SLC13A5: variants seen among roughly 807,000 people sequenced by gnomAD.
The protein encoded by SLC13A5 is solute carrier family 13 member 5.
Under a neutral mutation model 56.5 loss-of-function variants are expected in SLC13A5, and 25 were observed. The ratio of observed to expected loss-of-function variants is 0.44; its 90% CI spans 0.32 to 0.62. The LOEUF (loss-of-function observed/expected upper bound fraction) is 0.62. Ranked by LOEUF, SLC13A5 falls within the 20% of genes least tolerant of loss-of-function variation. The pLI is 0.04. For synonymous variants in SLC13A5, 307 were observed against 301.5 expected, an observed-to-expected ratio of 1.02 and a Z score of -0.19; for missense variants, 649 against 737.8, an observed-to-expected ratio of 0.88 and a Z score of 1.39.
intron 1 of SLC13A5, among the ~76,000 whole-genome samples, chr17:6,707,520 A>C (rs1227051033): frequency 6.6e-6 from 1 of 152,196 alleles, no homozygotes; most frequent in Non-Finnish European, 1.5e-5. Context: ...GAGAAGGAGG[A>C]GGAGGGGATA....
chr17:6,702,709 A>C (rs554793614), intron 5 of SLC13A5, among the ~76,000 whole-genome samples: 5 of 152,318 alleles, frequency 3.3e-5, no homozygotes, highest in Non-Finnish European at 7.4e-5. Context: ...TGGGTCTTGC[A>C]TCATAGCAGA....
intron 8 of SLC13A5, chr17:6,693,614 C>T (rs1973476478): frequency 1.3e-5 from 2 of 159,222 alleles, no homozygotes; most frequent in Non-Finnish European, 2.8e-5. Flanking sequence ...TACAACCCCT[C>T]AACGCAATAT....
At chr17:6,702,932 C>G in intron 5 of SLC13A5, 38 bp downstream of exon 5, 2 of 1,604,660 alleles carry the variant, frequency 1.2e-6, no homozygotes, top group Non-Finnish European at 1.7e-6. Flanking sequence ...CCCCGGTACC[C>G]ACTTCGTTGT....
intron 7 of SLC13A5, chr17:6,695,259 G>A (rs977204721): frequency 3.7e-5 from 6 of 161,368 alleles, no homozygotes; most frequent in African/African-American, 1.4e-4. Flanking sequence ...AACCAACAGA[G>A]TGCTCTCTGA....
chr17:6,704,098 C>T (rs762472717), intron 3 of SLC13A5, 42 bp from the exon 4 acceptor site: 1 of 1,577,248 alleles, frequency 6.3e-7, no homozygotes. Context: ...GAATCCCCAC[C>T]CCACCCCCGT....
In SLC13A5 at chr17:6,685,112, C is replaced by T. The variant is rs1030387488; in HGVS notation, c.*1095G>A. 5.9e-5 allele frequency: 9 copies of T among 152,204 alleles called. No individual in the cohort carries two copies. Among genetic ancestry groups the T allele is most frequent in the South Asian group, 4.1e-4 (2 of 4,834 alleles). 9.4% of individuals were successfully genotyped at this position (152,204 alleles called of 1,614,324 possible). On this transcript the variant is annotated 3_prime_UTR_variant, in exon 12 of 12. Coordinates refer to ENST00000433363, the MANE Select transcript of SLC13A5 (RefSeq NM_177550.5). This position sits in a 1 kb window ranked among gnomAD's most constrained non-coding sequence, Gnocchi z 4.2. ...ATCACCAAGCGCTGCTCAATCTCAACGATCCTCTGTTGTCACCAGCCATGG... is the reference window on the plus strand; with the variant it reads ...ATCACCAAGCGCTGCTCAATCTCAATGATCCTCTGTTGTCACCAGCCATGG...
chr17:6,686,000 C>T lies in SLC13A5; in HGVS notation c.*207G>A. 1 of 691,950 alleles carries T rather than the reference C, an allele frequency of 1.4e-6. No homozygotes were observed. Among genetic ancestry groups the T allele is most frequent in the East Asian group, 2.7e-5 (1 of 37,236 alleles). 42.9% of individuals were successfully genotyped at this position (691,950 alleles called of 1,614,324 possible). A position where few individuals can be genotyped will look rare whatever the true frequency, so the allele number is the denominator to read the frequency against. ...CAGCAGCCCACTGAGGGGTTCCCTT[C>T]ATTTCTGAGCCTACCCTCCAGCTGC... On this transcript the variant is annotated 3_prime_UTR_variant, in exon 12 of 12. Transcript: ENST00000433363. The surrounding 1 kb of genome is among the most constrained non-coding windows in gnomAD (Gnocchi z 4.2).
intron 7 of SLC13A5, chr17:6,695,395 T>C: frequency 4.3e-6 from 1 of 230,500 alleles, no homozygotes. Context: ...GGTGTCTTTC[T>C]TTCTCTTTTT....
rs188338884 is a variant in SLC13A5 at position 6,701,831 on chromosome 17, C to G, written c.717-705G>C. Among the ~76,000 whole-genome samples the G allele has an allele frequency of 4.6e-5, 7 of 152,222 alleles. No homozygotes were observed. The South Asian group carries it at 1.2e-3, about 27-fold the overall frequency. On this transcript the variant is annotated intron_variant, in intron 5 of 11. Transcript: ENST00000433363. This position sits in a 1 kb window ranked among gnomAD's most constrained non-coding sequence, Gnocchi z 4.1. Reference sequence around the variant, plus strand: ...GGGTTTCTGCAAAGAACGGTCCCCCCACTTAGCAAAGGAAATCTCAAAAGC... The same window carrying G: ...GGGTTTCTGCAAAGAACGGTCCCCCGACTTAGCAAAGGAAATCTCAAAAGC...
rs912789287 is a variant in SLC13A5 at position 6,711,606 on chromosome 17, G to A, written c.102+1626C>T. Among the ~76,000 whole-genome samples, 2 of 150,588 alleles carry A rather than the reference G, an allele frequency of 1.3e-5. No homozygotes were observed. The highest frequency in any genetic ancestry group is 6.6e-5 in the Admixed American group (1 of 15,130). On this transcript the variant is annotated intron_variant, in intron 1 of 11. Coordinates refer to ENST00000433363, the MANE Select transcript of SLC13A5 (RefSeq NM_177550.5). This position sits in a 1 kb window ranked among gnomAD's most constrained non-coding sequence, Gnocchi z 4.0. The stretch of plus-strand genomic sequence containing the variant: ...TGTGTGTTTGGGTGTGTGTTTGTGC[G>A]TGTGTTTTTGTGTGTGTTTGTGTTT...
In SLC13A5 at chr17:6,685,063, C is replaced by G. The variant is rs755213571; in HGVS notation, c.*1144G>C. On this transcript the variant is annotated 3_prime_UTR_variant, in exon 12 of 12. Coordinates refer to ENST00000433363, the MANE Select transcript of SLC13A5 (RefSeq NM_177550.5). This position sits in a 1 kb window ranked among gnomAD's most constrained non-coding sequence, Gnocchi z 4.2. ...GAGTAACTTCAAGTAGATTGGCCCA[C>G]GGGCAGGGGTTGTTTGCTGAGAGAT... 1 of 152,164 alleles carries G rather than the reference C, an allele frequency of 6.6e-6. No individual in the cohort carries two copies. The highest frequency in any genetic ancestry group is 2.4e-5 in the African/African-American group (1 of 41,440). The allele number at this position is 152,164 out of a possible 1,614,324, so 9.4% of individuals were successfully genotyped here.
intron 6 of SLC13A5, among the ~76,000 whole-genome samples, chr17:6,699,219 C>T (rs1037154815): frequency 6.6e-6 from 1 of 152,104 alleles, no homozygotes; most frequent in Non-Finnish European, 1.5e-5. Context: ...TGCTCACCTG[C>T]AGCAGGTTCA....
chr17:6,691,864 C>T (rs1973415013), intron 9 of SLC13A5, among the ~76,000 whole-genome samples: 1 of 152,194 alleles, frequency 6.6e-6, no homozygotes, highest in South Asian at 2.1e-4. Flanking sequence ...CGATCAAGTC[C>T]ACACCCCTCT....
At chr17:6,698,210 G>A (rs548599290) in intron 6 of SLC13A5, among the ~76,000 whole-genome samples, 9 of 152,380 alleles carry the variant, frequency 5.9e-5, no homozygotes, top group Admixed American at 2.6e-4. Context: ...TCGGGAAGGG[G>A]AAGGGGTGGG....
chr17:6,703,253 G>T (rs887341402), intron 4 of SLC13A5, 115 bp from the exon 5 acceptor site: 2 of 1,311,312 alleles, frequency 1.5e-6, no homozygotes, highest in African/African-American at 2.9e-5. Flanking sequence ...TGCTGATTTA[G>T]CTGCCCCACT....
chr17:6,706,874 G>A (rs1173925554), intron 2 of SLC13A5, 96 bp from the exon 3 acceptor site: 1 of 1,571,812 alleles, frequency 6.4e-7, no homozygotes, highest in East Asian at 2.3e-5. Context: ...AGCTTGGAGT[G>A]GGGATGCAGG....
rs1231356601 is a variant in SLC13A5 at position 6,690,930 on chromosome 17, A to C, written c.1286T>G (p.Leu429Arg). The C allele has an allele frequency of 1.2e-6, 2 of 1,607,192 alleles. No homozygotes were observed. The highest frequency in any genetic ancestry group is 1.3e-5 in the African/African-American group (1 of 74,854). Residue 429 changes from leucine to arginine, a missense_variant, in exon 10 of 12, where the codon CTG becomes CGG. By Grantham distance (102) the Leu-to-Arg change is moderately radical (BLOSUM62 -2). Transcript: ENST00000433363. ...CATCTGCTTCCCCATCCACACGGACAGCCCCGAGGCCTGGGAAGCACCAGG... is the reference window on the plus strand; with the variant it reads ...CATCTGCTTCCCCATCCACACGGACCGCCCCGAGGCCTGGGAAGCACCAGG... ...ALAKGSEASG[L>R]SVWMGKQMEP... is the part of the protein sequence containing the mutation.
chr17:6,686,080 T>G lies in SLC13A5; in HGVS notation c.*127A>C. On this transcript the variant is annotated 3_prime_UTR_variant, in exon 12 of 12. Coordinates refer to ENST00000433363, the MANE Select transcript of SLC13A5 (RefSeq NM_177550.5). ...GGAAGAGGTGGCCCATTGGCTGGGT[T>G]TTGGTGGTGTGTGGACATCGTTGGG... 6.6e-6 allele frequency: 9 copies of G among 1,361,910 alleles called. No homozygotes were observed. Among genetic ancestry groups the G allele is most frequent in the African/African-American group, 1.4e-5 (1 of 69,162 alleles). The allele number at this position is 1,361,910 out of a possible 1,614,324, so 84.4% of individuals were successfully genotyped here. A position where few individuals can be genotyped will look rare whatever the true frequency, so the allele number is the denominator to read the frequency against.
At chr17:6,696,959 T>C (rs1278238274) in intron 6 of SLC13A5, among the ~76,000 whole-genome samples, 1 of 152,012 alleles carries the variant, frequency 6.6e-6, no homozygotes, top group African/African-American at 2.4e-5. Flanking sequence ...GCCTGGAACA[T>C]GGGGACACCA....
Sources: gnomAD v4.1 joint callset for allele counts (sites outside exome capture counted in the v4.1 genomes callset) on GRCh38, gnomAD v4.1.1 for gene constraint, Gnocchi (gnomAD v3.1) non-coding constraint, MANE v1.5 for transcripts, NCBI Gene and HGNC (gene_info 2026-07-23, HGNC 2026-07-21) for gene names.